Variants in RBMS3 observed in about 807,000 individuals in gnomAD.
The protein encoded by RBMS3 is RNA-binding motif, single-stranded-interacting protein 3.
Under a neutral mutation model 66.8 loss-of-function variants are expected in RBMS3, and 27 were observed. That is an observed-to-expected ratio of 0.40 (90% CI 0.30 to 0.56). The LOEUF is 0.56. Ranked by LOEUF, RBMS3 falls within the 20% of genes least tolerant of loss-of-function variation. The probability of loss-of-function intolerance (pLI) is 0.40; values close to 1 mark genes in which losing one functional copy is unlikely to be tolerated. For synonymous variants in RBMS3, 188 were observed against 183.0 expected, an observed-to-expected ratio of 1.03 and a Z score of -0.22; for missense variants, 513 against 549.5, an observed-to-expected ratio of 0.93 and a Z score of 0.66.
At chr3:29,340,931 T>C (rs1056056878) in intron 1 of RBMS3, among the ~76,000 whole-genome samples, 6 of 152,126 alleles carry the variant, frequency 3.9e-5, no homozygotes, top group Non-Finnish European at 7.4e-5. Context: ...TAATGCTTTT[T>C]AAATTAATTT....
chr3:29,378,353 T>A (rs1346926417), intron 1 of RBMS3, among the ~76,000 whole-genome samples: 1 of 151,986 alleles, frequency 6.6e-6, no homozygotes, highest in African/African-American at 2.4e-5. Context: ...GCACCTGTAG[T>A]CCCAGCTACC....
At chr3:29,697,637 T>C (rs34562287) in intron 4 of RBMS3, among the ~76,000 whole-genome samples, 85,670 of 152,080 alleles carry the variant, frequency 0.56, 24,298 homozygotes, top group African/African-American at 0.63. Flanking sequence ...TTTGCATATA[T>C]GCAATGAGAT....
At chr3:29,633,748 A>T (rs2049368443) in intron 4 of RBMS3, among the ~76,000 whole-genome samples, 1 of 151,982 alleles carries the variant, frequency 6.6e-6, no homozygotes, top group African/African-American at 2.4e-5. Context: ...ATGCCCTGCC[A>T]TGTTGTTGTA....
intron 4 of RBMS3, among the ~76,000 whole-genome samples, chr3:29,719,650 A>G (rs1199536846): frequency 6.6e-6 from 1 of 152,118 alleles, no homozygotes; most frequent in Non-Finnish European, 1.5e-5. Context: ...CCCCCCTCAC[A>G]TTTGGCCCTC....
chr3:29,865,174 A>C (rs745496468), intron 6 of RBMS3, among the ~76,000 whole-genome samples: 2 of 151,056 alleles, frequency 1.3e-5, no homozygotes, highest in Non-Finnish European at 2.9e-5. Flanking sequence ...TAAGGGAGCC[A>C]GACTTCAAAC....
In RBMS3 at chr3:29,620,492, C is replaced by T. The variant is rs141772526; in HGVS notation, c.399+33287C>T. On this transcript the variant is annotated intron_variant, in intron 4 of 14. Transcript: ENST00000383767. ...AAGAGAATCTTAGGGGCTACAATTA[C>T]GATAAAACTCTTATGACATGGGTCA... Among the ~76,000 whole-genome samples, 15 of 152,176 alleles carry T rather than the reference C, an allele frequency of 9.9e-5. No homozygotes were observed. In the East Asian group the frequency reaches 1.3e-3, roughly 14 times the overall value.
At chr3:29,543,278 AG>A (rs2045832225) in intron 3 of RBMS3, among the ~76,000 whole-genome samples, 1 of 152,220 alleles carries the variant, frequency 6.6e-6, no homozygotes, top group South Asian at 2.1e-4. Flanking sequence ...ATATGAAGCA[AG>A]AAAAAAAAAA....
At chr3:29,560,329 C>T (rs923274998) in intron 3 of RBMS3, among the ~76,000 whole-genome samples, 5 of 152,276 alleles carry the variant, frequency 3.3e-5, no homozygotes, top group South Asian at 2.1e-4. Context: ...ATTACTAACT[C>T]GGATCATGGG....
chr3:29,569,655 ATCTAACTGGCT>A (rs1391066290), intron 3 of RBMS3, among the ~76,000 whole-genome samples: 1 of 152,166 alleles, frequency 6.6e-6, no homozygotes, highest in East Asian at 1.9e-4. Context: ...TTTGAATTTG[ATCTAACTGGCT>A]TCTGATATCT....
At chr3:29,744,982 A>G (rs1458113878) in intron 5 of RBMS3, among the ~76,000 whole-genome samples, 1 of 152,112 alleles carries the variant, frequency 6.6e-6, no homozygotes, top group Non-Finnish European at 1.5e-5. Context: ...ATTCATGTAC[A>G]AGGGATTCCA....
rs138339954 is a variant in RBMS3, at chr3:30,007,163, A to C, written c.*3301A>C. The C allele has an allele frequency of 6.6e-6, 1 of 152,234 alleles. No homozygotes were observed. Among genetic ancestry groups the C allele is most frequent in the East Asian group, 1.9e-4 (1 of 5,188 alleles). The allele number at this position is 152,234 out of a possible 1,614,324, so 9.4% of individuals were successfully genotyped here. ...GAAAAAAAAGCATCAACAGGTAAGC[A>C]GCATTACATTGTGTGGTAATAAACC... On this transcript the variant is annotated 3_prime_UTR_variant, in exon 15 of 15. Coordinates refer to ENST00000383767, the MANE Select transcript of RBMS3 (RefSeq NM_001003793.3).
rs1236749040 is a variant in RBMS3 at position 29,962,643 on chromosome 3, G to A, written c.1098+18389G>A. Among the ~76,000 whole-genome samples the A allele has an allele frequency of 2.0e-5, 3 of 150,270 alleles. 1 individual carries two copies. The East Asian group carries it at 5.8e-4, about 29-fold the overall frequency. ...AGTAATTAGGGCAGTAACTAAATTG[G>A]CCCTTTTTATTTTCCACTGGTGTCA... On this transcript the variant is annotated intron_variant, in intron 12 of 14. Coordinates refer to ENST00000383767, the MANE Select transcript of RBMS3 (RefSeq NM_001003793.3).
At chr3:29,723,067 C>A (rs71321103) in intron 4 of RBMS3, among the ~76,000 whole-genome samples, 51,147 of 151,514 alleles carry the variant, frequency 0.34, 8,681 homozygotes, top group South Asian at 0.42. Flanking sequence ...CCTCCGCCTC[C>A]CAGGTTCAAG....
At chr3:29,332,138 C>T (rs1199921453) in intron 1 of RBMS3, among the ~76,000 whole-genome samples, 1 of 152,122 alleles carries the variant, frequency 6.6e-6, no homozygotes, top group Non-Finnish European at 1.5e-5. Context: ...TTAGCCTCTT[C>T]TGTTTCAGTT....
At chr3:29,974,696 A>T (rs1697441958) in intron 12 of RBMS3, among the ~76,000 whole-genome samples, 1 of 150,786 alleles carries the variant, frequency 6.6e-6, no homozygotes, top group Non-Finnish European at 1.5e-5. Flanking sequence ...ACAGTGTAAA[A>T]CCTTTTATGT....
chr3:29,420,498 G>A (rs760206777), intron 1 of RBMS3, among the ~76,000 whole-genome samples: 29 of 152,254 alleles, frequency 1.9e-4, no homozygotes, highest in South Asian at 6.2e-4. Flanking sequence ...TAAATTCTCC[G>A]AAATGACGTG....
chr3:29,333,333 A>G (rs2035771002), intron 1 of RBMS3, among the ~76,000 whole-genome samples: 1 of 152,128 alleles, frequency 6.6e-6, no homozygotes, highest in Admixed American at 6.6e-5. Flanking sequence ...TGCCCTCTCA[A>G]GGGTTTATGC....
At chr3:29,975,434 T>G (rs540783818) in intron 12 of RBMS3, among the ~76,000 whole-genome samples, 1 of 151,890 alleles carries the variant, frequency 6.6e-6, no homozygotes, top group African/African-American at 2.4e-5. Context: ...TGTGAGCCTT[T>G]TTCATTTTTG....
intron 12 of RBMS3, among the ~76,000 whole-genome samples, chr3:29,966,416 G>A (rs1167401226): frequency 2.6e-5 from 4 of 152,010 alleles, no homozygotes; most frequent in Admixed American, 6.6e-5. Context: ...GCTTGTAGAG[G>A]TCTTTCAACT....
Sources: gnomAD v4.1 joint callset for allele counts (sites outside exome capture counted in the v4.1 genomes callset) on GRCh38, gnomAD v4.1.1 for gene constraint, MANE v1.5 for transcripts, NCBI Gene and HGNC (gene_info 2026-07-23, HGNC 2026-07-21) for gene names.